CFAP77: variants seen among roughly 807,000 people sequenced by gnomAD.
CFAP77 encodes the protein cilia- and flagella-associated protein 77.
In CFAP77, 25 loss-of-function variants were observed where a neutral mutation model predicts 31.1. The observed-to-expected ratio is 0.80, with a 90% CI of 0.59 to 1.12. CFAP77 has a LOEUF of 1.12. Ranked by LOEUF, CFAP77 falls within the 50% of genes most tolerant of loss-of-function variation. CFAP77 has a pLI of 0.00. For synonymous variants in CFAP77, 151 were observed against 159.9 expected (o/e 0.94, Z 0.42); for missense variants, 377 against 397.3 (o/e 0.95, Z 0.44).
At chr9:132,506,076 G>T (rs1373332494) in intron 3 of CFAP77, among the ~76,000 whole-genome samples, 1 of 152,198 alleles carries the variant, frequency 6.6e-6, no homozygotes, top group Admixed American at 6.5e-5. Context: ...GAGGCGTTAC[G>T]GTGCAGAGCC....
At chr9:132,453,250 C>T (rs749302881) in intron 1 of CFAP77, among the ~76,000 whole-genome samples, 5 of 152,292 alleles carry the variant, frequency 3.3e-5, no homozygotes, top group Non-Finnish European at 7.4e-5. Context: ...ATAGGCCGGG[C>T]GCAGTGGCTC....
intron 1 of CFAP77, among the ~76,000 whole-genome samples, chr9:132,441,811 TC>T (rs769673503): frequency 9.9e-5 from 15 of 152,284 alleles, no homozygotes; most frequent in Non-Finnish European, 2.2e-4. Flanking sequence ...CTCCTGTTCC[TC>T]CAAGGGTGGC....
At chr9:132,429,241 C>A (rs1360239255) in intron 1 of CFAP77, among the ~76,000 whole-genome samples, 1 of 151,716 alleles carries the variant, frequency 6.6e-6, no homozygotes, top group African/African-American at 2.4e-5. Flanking sequence ...ATGAGGGTAT[C>A]TTTAATGTCT....
At chr9:132,486,569 A>G (rs541786101) in intron 1 of CFAP77, among the ~76,000 whole-genome samples, 149 of 152,282 alleles carry the variant, frequency 9.8e-4, no homozygotes, top group African/African-American at 3.5e-3. Flanking sequence ...TTAAAAAAAT[A>G]TATCCAATCA....
Position 132,480,703 on chromosome 9 carries a change from G to C in CFAP77, c.196-17992G>C, listed in dbSNP as rs899175539. Among the ~76,000 whole-genome samples, 1 of 152,180 alleles carries C rather than the reference G, an allele frequency of 6.6e-6. No individual in the cohort carries two copies. The highest frequency in any genetic ancestry group is 2.4e-5 in the African/African-American group (1 of 41,454). On this transcript the variant is annotated intron_variant, in intron 1 of 5. Coordinates refer to ENST00000393216, the MANE Select transcript of CFAP77 (RefSeq NM_001282957.2). This position sits in a 1 kb window ranked among gnomAD's most constrained non-coding sequence, Gnocchi z 5.8. Reference sequence around the variant, plus strand: ...TTCTCACGGAGGCTACAGAGTCCGGGGGCTTCTCCAAGGTGGTGACATTTC... The same window carrying C: ...TTCTCACGGAGGCTACAGAGTCCGGCGGCTTCTCCAAGGTGGTGACATTTC...
rs1280839987 is a variant in CFAP77, at chr9:132,424,123, G to A, written c.195+13657G>A. ...TCCATGGCTGTTAAAAAAAGAGTTA[G>A]GAGGCCGGGTGTGGTGGCTCACGCC... is the stretch of plus-strand genomic sequence containing the variant. On this transcript the variant is annotated intron_variant, in intron 1 of 5. Transcript: ENST00000393216. The surrounding 1 kb of genome is among the most constrained non-coding windows in gnomAD (Gnocchi z 4.1). Among the ~76,000 whole-genome samples the A allele has an allele frequency of 6.6e-6, 1 of 152,186 alleles. No individual in the cohort carries two copies. The highest frequency in any genetic ancestry group is 1.5e-5 in the Non-Finnish European group (1 of 68,034).
intron 1 of CFAP77, among the ~76,000 whole-genome samples, chr9:132,457,518 T>C (rs1850940695): frequency 6.6e-6 from 1 of 152,226 alleles, no homozygotes; most frequent in African/African-American, 2.4e-5. Context: ...AAATGGGGTT[T>C]ATAAATCATT....
At chr9:132,561,020 T>C (rs1852987685) in intron 5 of CFAP77, among the ~76,000 whole-genome samples, 1 of 152,174 alleles carries the variant, frequency 6.6e-6, no homozygotes. Context: ...GGGGACCAGA[T>C]GTCTCAGGAG....
At chr9:132,571,129 TCAA>T (rs1829953955) in intron 5 of CFAP77, among the ~76,000 whole-genome samples, 1 of 152,062 alleles carries the variant, frequency 6.6e-6, no homozygotes, top group South Asian at 2.1e-4. Context: ...TCCGGGGTGG[TCAA>T]CCCTGGCCTG....
intron 1 of CFAP77, among the ~76,000 whole-genome samples, chr9:132,449,022 G>A (rs1256230599): frequency 1.3e-5 from 2 of 152,224 alleles, no homozygotes; most frequent in Non-Finnish European, 2.9e-5. Context: ...CAACTGGGCT[G>A]TGGACAAGGG....
rs1589855339 is a variant in CFAP77, at chr9:132,447,356, G to A, written c.195+36890G>A. Among the ~76,000 whole-genome samples, 3 of 152,304 alleles carry A rather than the reference G, an allele frequency of 2.0e-5. No individual in the cohort carries two copies. In the Middle Eastern group the frequency reaches 0.01, roughly 518 times the overall value. On this transcript the variant is annotated intron_variant, in intron 1 of 5. Coordinates refer to ENST00000393216, the MANE Select transcript of CFAP77 (RefSeq NM_001282957.2). The stretch of plus-strand genomic sequence containing the variant: ...GGAGTTAATGATCATTGTTGTGTTA[G>A]AGGACCTCTTCCAAGAAAGGAGAAG...
rs570353037 is a variant in CFAP77 at position 132,535,360 on chromosome 9, T to C, written c.525-2241T>C. Among the ~76,000 whole-genome samples, 10 of 152,350 alleles carry C rather than the reference T, an allele frequency of 6.6e-5. No individual in the cohort carries two copies. In the South Asian group the frequency reaches 2.1e-3, roughly 32 times the overall value. On this transcript the variant is annotated intron_variant, in intron 3 of 5. Transcript: ENST00000393216. Reference sequence around the variant, plus strand: ...AAGGACACAGCTTCAGATTTCCTCATGGTTCTTTTTATCCTCGGGATATCT... The same window carrying C: ...AAGGACACAGCTTCAGATTTCCTCACGGTTCTTTTTATCCTCGGGATATCT...
At chr9:132,533,858 G>T (rs1414403332) in intron 3 of CFAP77, among the ~76,000 whole-genome samples, 1 of 152,110 alleles carries the variant, frequency 6.6e-6, no homozygotes, top group Admixed American at 6.6e-5. Flanking sequence ...TCCAGCCTGG[G>T]CAACAGAGCG....
intron 3 of CFAP77, chr9:132,513,381 G>C: frequency 1.3e-6 from 2 of 1,523,528 alleles, no homozygotes; most frequent in Non-Finnish European, 1.8e-6. Context: ...CTTTAATATT[G>C]AAGAAATAAA....
intron 1 of CFAP77, among the ~76,000 whole-genome samples, chr9:132,473,791 C>T (rs1182612824): frequency 6.6e-6 from 1 of 152,222 alleles, no homozygotes; most frequent in African/African-American, 2.4e-5. Flanking sequence ...TCAAATGATT[C>T]TCCTGCCTCA....
intron 1 of CFAP77, among the ~76,000 whole-genome samples, chr9:132,429,182 G>A (rs541369087): frequency 2.3e-4 from 35 of 152,040 alleles, no homozygotes; most frequent in African/African-American, 7.7e-4. Context: ...AGATTGGAAA[G>A]TGAGATAAAC....
chr9:132,422,094 C>T (rs142566572), intron 1 of CFAP77, among the ~76,000 whole-genome samples: 4 of 152,100 alleles, frequency 2.6e-5, no homozygotes, highest in Middle Eastern at 3.4e-3. Flanking sequence ...TTGCAACCTC[C>T]GCCACCCAGG....
intron 1 of CFAP77, among the ~76,000 whole-genome samples, chr9:132,453,430 G>T (rs1392582057): frequency 6.7e-6 from 1 of 148,828 alleles, no homozygotes; most frequent in South Asian, 2.1e-4. Context: ...GGAGGCTGAG[G>T]CAGGAGAATT....
chr9:132,466,724 C>A (rs957208979), intron 1 of CFAP77, among the ~76,000 whole-genome samples: 1 of 152,184 alleles, frequency 6.6e-6, no homozygotes, highest in Non-Finnish European at 1.5e-5. Context: ...CTGTCTGGCC[C>A]CTCCTCACCA....
Sources: allele counts gnomAD v4.1 joint callset (sites outside exome capture counted in the v4.1 genomes callset), GRCh38; gene constraint gnomAD v4.1.1; non-coding constraint Gnocchi (gnomAD v3.1); transcripts MANE v1.5; gene names NCBI Gene and HGNC (gene_info 2026-07-23, HGNC 2026-07-21).